Variants in RGS7 observed in about 807,000 individuals in gnomAD.
RGS7 encodes the protein regulator of G-protein signaling 7.
Under a neutral mutation model 81.1 loss-of-function variants are expected in RGS7, and 27 were observed. The observed-to-expected ratio is 0.33, with a 90% CI of 0.25 to 0.46. RGS7 has a LOEUF of 0.46. Ranked by LOEUF, RGS7 falls within the 20% of genes least tolerant of loss-of-function variation. The probability of loss-of-function intolerance (pLI) is 1.00; values close to 1 mark genes in which losing one functional copy is unlikely to be tolerated. For missense variants in RGS7, 396 were observed against 607.4 expected, an observed-to-expected ratio of 0.65 and a Z score of 3.66; for synonymous variants, 208 against 207.7, an observed-to-expected ratio of 1.00 and a Z score of -0.01.
At chr1:240,973,876 G>A (rs891444667) in intron 4 of RGS7, among the ~76,000 whole-genome samples, 8 of 152,056 alleles carry the variant, frequency 5.3e-5, no homozygotes, top group East Asian at 3.9e-4. Flanking sequence ...CACTGCGCCC[G>A]GCCAGAGACA....
intron 3 of RGS7, among the ~76,000 whole-genome samples, chr1:240,999,143 C>G (rs1389977527): frequency 6.6e-6 from 1 of 151,988 alleles, no homozygotes; most frequent in Non-Finnish European, 1.5e-5. Flanking sequence ...CTTTTCAGTC[C>G]TAAAGTTTCC....
chr1:241,246,075 G>T (rs1012920301), intron 2 of RGS7, among the ~76,000 whole-genome samples: 5 of 152,136 alleles, frequency 3.3e-5, no homozygotes, highest in African/African-American at 1.2e-4. Flanking sequence ...CTGCCCTCCA[G>T]CCTGGGGGAC....
intron 2 of RGS7, among the ~76,000 whole-genome samples, chr1:241,201,936 C>T (rs917041266): frequency 6.6e-6 from 1 of 151,544 alleles, no homozygotes; most frequent in Non-Finnish European, 1.5e-5. Context: ...TAAAAGACTG[C>T]AAGCTCTCAG....
intron 2 of RGS7, among the ~76,000 whole-genome samples, chr1:241,310,848 G>T (rs560407104): frequency 6.6e-6 from 1 of 152,230 alleles, no homozygotes; most frequent in South Asian, 2.1e-4. Context: ...GGGTTCACTT[G>T]GCTATCAGGA....
In RGS7 at chr1:241,355,777, G is replaced by A; in HGVS notation, c.-1C>T. On this transcript the variant is annotated 5_prime_UTR_variant, in exon 2 of 19. Transcript: ENST00000440928. ...GCCCATAATTATTCCCCTGGGCCAT[G>A]TCACCCAAAACTTGGTCCACTCTCA... 1.2e-6 allele frequency: 2 copies of A among 1,613,872 alleles called. No homozygotes were observed. The highest frequency in any genetic ancestry group is 1.7e-6 in the Non-Finnish European group (2 of 1,179,820).
intron 2 of RGS7, among the ~76,000 whole-genome samples, chr1:241,217,703 A>C (rs2147965189): frequency 6.6e-6 from 1 of 152,304 alleles, no homozygotes; most frequent in South Asian, 2.1e-4. Flanking sequence ...ATCCAATCAC[A>C]CGGTTGGCAC....
intron 3 of RGS7, 31 bp from the exon 4 acceptor site, chr1:240,983,160 G>A (rs781500742): frequency 4.0e-6 from 5 of 1,262,358 alleles, no homozygotes; most frequent in Non-Finnish European, 5.7e-6. Flanking sequence ...AACACAAACA[G>A]ATGTGAACAT....
intron 6 of RGS7, among the ~76,000 whole-genome samples, chr1:240,921,110 G>A (rs191969580): frequency 6.6e-6 from 1 of 152,114 alleles, no homozygotes; most frequent in East Asian, 1.9e-4. Context: ...CAGAAACCTT[G>A]CTATAGTTGA....
chr1:241,088,564 C>T (rs577785859), intron 3 of RGS7, among the ~76,000 whole-genome samples: 6 of 152,122 alleles, frequency 3.9e-5, no homozygotes, highest in Admixed American at 6.5e-5. Context: ...CCCTGATTGA[C>T]GTAATTTTCC....
At chr1:241,033,636 A>C (rs1162323512) in intron 3 of RGS7, among the ~76,000 whole-genome samples, 1 of 152,044 alleles carries the variant, frequency 6.6e-6, no homozygotes, top group African/African-American at 2.4e-5. Flanking sequence ...CCTTTCATTT[A>C]ATATGTTATG....
rs145904344 is a variant in RGS7 at position 240,973,243 on chromosome 1, G to A, written c.226+9836C>T. Among the ~76,000 whole-genome samples the A allele has an allele frequency of 2.4e-4, 36 of 152,190 alleles. No individual in the cohort carries two copies. The East Asian group carries it at 6.8e-3, about 29-fold the overall frequency. Reference sequence around the variant, plus strand: ...AAGTAAAATAATTTAATTAAGGCTGGGGGCCATGGCTCACGCCTGTATTCC... The same window carrying A: ...AAGTAAAATAATTTAATTAAGGCTGAGGGCCATGGCTCACGCCTGTATTCC... On this transcript the variant is annotated intron_variant, in intron 4 of 18. Coordinates refer to ENST00000440928, the MANE Select transcript of RGS7 (RefSeq NM_001364886.1).
chr1:241,125,353 A>C (rs945048240), intron 2 of RGS7, among the ~76,000 whole-genome samples: 1 of 152,150 alleles, frequency 6.6e-6, no homozygotes, highest in Non-Finnish European at 1.5e-5. Flanking sequence ...CTCACTGCAC[A>C]GTATTCCAAT....
intron 6 of RGS7, among the ~76,000 whole-genome samples, chr1:240,905,015 C>T (rs1170268202): frequency 6.6e-6 from 1 of 152,096 alleles, no homozygotes; most frequent in Non-Finnish European, 1.5e-5. Context: ...CCAGGAGATG[C>T]TAAAATGATC....
chr1:240,932,951 TC>T (rs1409421722), intron 5 of RGS7, among the ~76,000 whole-genome samples: 4 of 132,600 alleles, frequency 3.0e-5, no homozygotes, highest in African/African-American at 1.1e-4. Flanking sequence ...TGGCGCGATC[TC>T]GGCTCACTGC....
intron 6 of RGS7, among the ~76,000 whole-genome samples, chr1:240,924,585 C>T (rs913423223): frequency 2.0e-5 from 3 of 152,212 alleles, no homozygotes; most frequent in Non-Finnish European, 4.4e-5. Context: ...ACACACATCT[C>T]TCCCTTCCAT....
At chr1:240,884,692 T>C (rs926661534) in intron 6 of RGS7, among the ~76,000 whole-genome samples, 46 of 152,216 alleles carry the variant, frequency 3.0e-4, no homozygotes, top group African/African-American at 1.1e-3. Context: ...GCGGGATAAC[T>C]GGCTAGCCAT....
chr1:241,127,791 GATGT>G (rs1204023365), intron 2 of RGS7, among the ~76,000 whole-genome samples: 1 of 152,124 alleles, frequency 6.6e-6, no homozygotes, highest in Non-Finnish European at 1.5e-5. Flanking sequence ...TTAGTATATA[GATGT>G]ATGTATTTGA....
At chr1:240,828,053 G>C (rs1021649697) in intron 9 of RGS7, among the ~76,000 whole-genome samples, 2 of 152,062 alleles carry the variant, frequency 1.3e-5, no homozygotes, top group African/African-American at 4.8e-5. Context: ...TGGAGTTCAT[G>C]GTTAAAATGT....
At chr1:241,162,410 A>G (rs114117509) in intron 2 of RGS7, among the ~76,000 whole-genome samples, 2,129 of 152,344 alleles carry the variant, frequency 0.014, 49 homozygotes, top group African/African-American at 0.048. Context: ...CCAAGTGCTG[A>G]CAGGCCACTG....
Sources: gnomAD v4.1 joint callset for allele counts (sites outside exome capture counted in the v4.1 genomes callset) on GRCh38, gnomAD v4.1.1 for gene constraint, MANE v1.5 for transcripts, NCBI Gene and HGNC (gene_info 2026-07-23, HGNC 2026-07-21) for gene names.